Variants in DCAF4 observed in about 807,000 individuals in gnomAD.
The protein encoded by DCAF4 is DDB1- and CUL4-associated factor 4.
A neutral mutation model predicts 60.9 loss-of-function variants in DCAF4; 37 were observed. The observed-to-expected ratio is 0.61, with a 90% CI of 0.47 to 0.80. DCAF4 has a LOEUF of 0.80. Ranked by LOEUF, DCAF4 falls within the 30% of genes least tolerant of loss-of-function variation. DCAF4 has a pLI of 0.00. For synonymous variants in DCAF4, 243 were observed against 254.8 expected (o/e 0.95, Z 0.44); for missense variants, 577 against 650.0 (o/e 0.89, Z 1.22).
intron 7 of DCAF4, 53 bp downstream of exon 7, chr14:72,946,080 G>A (rs957763085): frequency 4.1e-6 from 6 of 1,478,220 alleles, no homozygotes; most frequent in Middle Eastern, 1.8e-4. Context: ...GGGGGTAGTT[G>A]GCCAAATTCA....
intron 8 of DCAF4, among the ~76,000 whole-genome samples, chr14:72,950,994 T>C (rs1343961103): frequency 6.6e-6 from 1 of 152,036 alleles, no homozygotes; most frequent in Non-Finnish European, 1.5e-5. Flanking sequence ...TAGTATTTTA[T>C]TTTTGAGACA....
At chr14:72,940,768 T>G (rs567403622) in intron 4 of DCAF4, among the ~76,000 whole-genome samples, 1 of 150,888 alleles carries the variant, frequency 6.6e-6, no homozygotes, top group African/African-American at 2.4e-5. Context: ...TTTTTTTATT[T>G]TTAGTAGAGA....
chr14:72,930,092 C>T (rs1267222265), intron 1 of DCAF4, among the ~76,000 whole-genome samples: 2 of 152,198 alleles, frequency 1.3e-5, no homozygotes. Context: ...GATCGCGCCA[C>T]TGCACTTCAG....
intron 8 of DCAF4, among the ~76,000 whole-genome samples, chr14:72,948,275 A>G (rs1567316763): frequency 6.6e-6 from 1 of 151,882 alleles, no homozygotes; most frequent in African/African-American, 2.4e-5. Context: ...CCAGCCTAGA[A>G]CTCCTGGGCT....
intron 5 of DCAF4, 50 bp downstream of exon 5, chr14:72,941,874 G>T: frequency 6.3e-7 from 1 of 1,584,556 alleles, no homozygotes; most frequent in Non-Finnish European, 8.7e-7. Context: ...TTCTTTTCCT[G>T]TTTCTTATTT....
At chr14:72,959,980 A>G (rs968896795), downstream of DCAF4, among the ~76,000 whole-genome samples, 2 of 152,154 alleles carry the variant, frequency 1.3e-5, no homozygotes, top group Non-Finnish European at 2.9e-5. Flanking sequence ...TCTATTGGAA[A>G]GCGCTCAGAG....
intron 12 of DCAF4, 82 bp from the exon 13 acceptor site, chr14:72,956,304 C>T (rs1892290092): frequency 9.3e-7 from 1 of 1,080,572 alleles, no homozygotes; most frequent in Admixed American, 2.7e-5. Context: ...TGGAGACCAC[C>T]TTGCCTTCCT....
chr14:72,953,499 C>T (rs1891713827), intron 9 of DCAF4, among the ~76,000 whole-genome samples: 1 of 151,122 alleles, frequency 6.6e-6, no homozygotes, highest in African/African-American at 2.4e-5. Context: ...CGTTTGAGCC[C>T]AGGAGTTCAA....
At chr14:72,928,439 C>A (rs965398816) in intron 1 of DCAF4, among the ~76,000 whole-genome samples, 2 of 151,348 alleles carry the variant, frequency 1.3e-5, no homozygotes, top group African/African-American at 4.9e-5. Context: ...TCGTGATCCG[C>A]CCGCCTCGGC....
At chr14:72,932,927 C>T (rs1185362430) in intron 1 of DCAF4, among the ~76,000 whole-genome samples, 4 of 151,718 alleles carry the variant, frequency 2.6e-5, no homozygotes, top group South Asian at 2.1e-4. Context: ...TTGTTTGAGA[C>T]GGGATCTTGC....
chr14:72,947,025 TGAAGAGGAG>T, intron 7 of DCAF4, 108 bp from the exon 8 acceptor site: 1 of 1,368,164 alleles, frequency 7.3e-7, no homozygotes, highest in Non-Finnish European at 1.0e-6. Context: ...CCAGCCCATT[TGAAGAGGAG>T]CAGGACGTGA....
At chr14:72,956,084 G>T (rs942930612) in intron 12 of DCAF4, among the ~76,000 whole-genome samples, 14 of 151,746 alleles carry the variant, frequency 9.2e-5, no homozygotes, top group African/African-American at 2.9e-4. Flanking sequence ...CACTGCGCCC[G>T]GCTAATTTTT....
intron 2 of DCAF4, among the ~76,000 whole-genome samples, chr14:72,938,928 C>G (rs80246422): frequency 1.3e-5 from 2 of 152,102 alleles, no homozygotes; most frequent in East Asian, 3.9e-4. Flanking sequence ...GAGATGAGGT[C>G]TCACTCTGTT....
At chr14:72,958,108 A>C in intron 13 of DCAF4, 1 of 161,754 alleles carries the variant, frequency 6.2e-6, no homozygotes. Context: ...GCAAGACCCT[A>C]TCTCAAAAAA....
At chr14:72,953,786 G>T (rs1029802075) in intron 9 of DCAF4, among the ~76,000 whole-genome samples, 14 of 8,878 alleles carry the variant, frequency 1.6e-3, no homozygotes, top group African/African-American at 2.6e-3. Flanking sequence ...ATTTATTTGT[G>T]TGTGTGTGTG....
At chr14:72,951,368 T>C (rs1891383024) in intron 8 of DCAF4, among the ~76,000 whole-genome samples, 1 of 152,100 alleles carries the variant, frequency 6.6e-6, no homozygotes, top group Non-Finnish European at 1.5e-5. Context: ...TCCCAGCACT[T>C]TGGGAGGCCG....
intron 8 of DCAF4, among the ~76,000 whole-genome samples, chr14:72,950,036 TG>T (rs1891216932): frequency 6.6e-6 from 1 of 151,956 alleles, no homozygotes; most frequent in African/African-American, 2.4e-5. Flanking sequence ...GGAGAAAGCT[TG>T]GTATGTTTGG....
chr14:72,928,585 T>TTATATA (rs57258334), intron 1 of DCAF4, among the ~76,000 whole-genome samples: 93 of 15,910 alleles, frequency 5.8e-3, no homozygotes, highest in South Asian at 0.017. Flanking sequence ...TAAACATCCT[T>TTATATA]TATATATATA....
chr14:72,942,410 T>G (rs1222968872), intron 5 of DCAF4: 4 of 155,692 alleles, frequency 2.6e-5, no homozygotes, highest in Non-Finnish European at 5.7e-5. Flanking sequence ...CCACTGTACA[T>G]GCTCAAGTGA....
Sources: allele counts gnomAD v4.1 joint callset (sites outside exome capture counted in the v4.1 genomes callset), GRCh38; gene constraint gnomAD v4.1.1; transcripts MANE v1.5; gene names NCBI Gene and HGNC (gene_info 2026-07-23, HGNC 2026-07-21).